The following ABCC5 variants were observed in gnomAD, a reference collection of about 807,000 sequenced individuals.
ABCC5 encodes the protein ATP binding cassette subfamily C member 5.
Under a neutral mutation model 160.9 loss-of-function variants are expected in ABCC5, and 61 were observed. The observed-to-expected ratio is 0.38, with a 90% CI of 0.31 to 0.47. The LOEUF (loss-of-function observed/expected upper bound fraction) is 0.47, where lower values mean the gene tolerates loss of function less well. Among genes scored for constraint, ABCC5 ranks in the 20% least tolerant of loss-of-function variants. ABCC5 has a pLI of 0.99. For synonymous variants in ABCC5, 666 were observed against 700.6 expected (o/e 0.95, Z 0.78); for missense variants, 1,308 against 1,813.3 (o/e 0.72, Z 5.06).
intron 11 of ABCC5, 36 bp from the exon 12 acceptor site, chr3:183,967,802 GACT>G (rs1465272789): frequency 6.6e-7 from 1 of 1,516,198 alleles, no homozygotes; most frequent in East Asian, 2.3e-5. Flanking sequence ...GTCATTTAGA[GACT>G]ACTAACCACT....
rs1384075195 is a variant in ABCC5, at chr3:183,947,395, G to A, written c.3343C>T (p.Leu1115=). Residue 1115 remains leucine, a synonymous_variant, in exon 23 of 30, where the codon CTG becomes TTG. Transcript: ENST00000334444. ...TGCCCGTGCATAAGAACGATCATCAGCCCCGTGGTGGTGATGAGGGCGATG... is the reference window on the plus strand; with the variant it reads ...TGCCCGTGCATAAGAACGATCATCAACCCCGTGGTGGTGATGAGGGCGATG... ...ISIALITTTG[L]MIVLMHGQIP... is the part of the protein sequence containing the mutation. The A allele has an allele frequency of 1.2e-6, 2 of 1,613,848 alleles. No individual in the cohort carries two copies. Among genetic ancestry groups the A allele is most frequent in the South Asian group, 2.2e-5 (2 of 91,024 alleles).
At chr3:184,003,258 G>T (rs1263587553) in intron 2 of ABCC5, among the ~76,000 whole-genome samples, 2 of 151,944 alleles carry the variant, frequency 1.3e-5, no homozygotes, top group Non-Finnish European at 1.5e-5. Flanking sequence ...AATTTAAAAA[G>T]ATCAAAAACT....
Position 183,982,548 on chromosome 3 carries a change from G to A in ABCC5, c.902C>T (p.Pro301Leu). 6.2e-7 allele frequency: 1 copy of A among 1,614,130 alleles called. No individual in the cohort carries two copies. Among genetic ancestry groups the A allele is most frequent in the Non-Finnish European group, 8.5e-7 (1 of 1,180,032 alleles). ...AATCATGCCTAAGATGGCAACAACG[G>A]GTCCTCCAGCCAGCAGGCTGCCAAC... ...AAVGSLLAGG[P>L]VVAILGMIYN... The change falls in exon 7 of 30, where the codon CCC becomes CTC. Residue 301 changes from proline to leucine, a missense_variant. Transcript: ENST00000334444. The surrounding 1 kb of genome is among the most constrained non-coding windows in gnomAD (Gnocchi z 5.2).
chr3:183,934,935 T>A (rs1713540594), intron 26 of ABCC5, among the ~76,000 whole-genome samples: 1 of 152,148 alleles, frequency 6.6e-6, no homozygotes. Context: ...TCAAAAGAAA[T>A]CTCAAGTTTA....
intron 17 of ABCC5, among the ~76,000 whole-genome samples, chr3:183,956,447 A>C (rs376929568): frequency 7.2e-5 from 8 of 111,300 alleles, no homozygotes; most frequent in East Asian, 5.4e-4. Flanking sequence ...TCCGTGTGTA[A>C]ATCACATCGG....
At chr3:183,946,758 A>G (rs564072505) in intron 23 of ABCC5, among the ~76,000 whole-genome samples, 2 of 152,292 alleles carry the variant, frequency 1.3e-5, no homozygotes, top group African/African-American at 2.4e-5. Flanking sequence ...CCTTAAAAAC[A>G]TAATTCCAAT....
chr3:183,965,622 C>A, intron 12 of ABCC5, 121 bp from the exon 13 acceptor site: 1 of 1,325,578 alleles, frequency 7.5e-7, no homozygotes, highest in South Asian at 1.4e-5. Flanking sequence ...CTTTTTGGAC[C>A]CAAATCCAGA....
At chr3:183,929,180 C>T (rs1368955007) in intron 26 of ABCC5, among the ~76,000 whole-genome samples, 2 of 152,114 alleles carry the variant, frequency 1.3e-5, no homozygotes, top group African/African-American at 4.8e-5. Flanking sequence ...TGTTTGTAAT[C>T]CCAGCACTTT....
In ABCC5 at chr3:183,987,473, G is replaced by A. The variant is rs1314143126; in HGVS notation, c.591+297C>T. The A allele has an allele frequency of 1.8e-5, 11 of 594,754 alleles. No homozygotes were observed. Among genetic ancestry groups the A allele is most frequent in the East Asian group, 1.7e-4 (6 of 36,112 alleles). 36.8% of individuals were successfully genotyped at this position (594,754 alleles called of 1,614,324 possible). A position where few individuals can be genotyped will look rare whatever the true frequency, so the allele number is the denominator to read the frequency against. On this transcript the variant is annotated intron_variant, in intron 5 of 29. Coordinates refer to ENST00000334444, the MANE Select transcript of ABCC5 (RefSeq NM_005688.4). This position sits in a 1 kb window ranked among gnomAD's most constrained non-coding sequence, Gnocchi z 4.2. Reference sequence around the variant, plus strand: ...ACTGCAAGACACATCTGCCTGCACCGACTGTCAGTTCATGTTAACACACAA... The same window carrying A: ...ACTGCAAGACACATCTGCCTGCACCAACTGTCAGTTCATGTTAACACACAA...
chr3:183,984,939 A>G (rs2108859444), intron 5 of ABCC5: 2 of 1,511,788 alleles, frequency 1.3e-6, no homozygotes, highest in East Asian at 4.9e-5. Context: ...TCCTTCCCAT[A>G]CCTTTAGAGT....
chr3:183,953,863 C>T (rs969499176), intron 17 of ABCC5, among the ~76,000 whole-genome samples: 4 of 152,100 alleles, frequency 2.6e-5, no homozygotes, highest in African/African-American at 4.8e-5. Flanking sequence ...GAGATGAGGC[C>T]GACTAAGCAG....
intron 25 of ABCC5, 86 bp from the exon 26 acceptor site, chr3:183,938,146 T>G (rs1713927084): frequency 7.6e-7 from 1 of 1,314,626 alleles, no homozygotes; most frequent in Non-Finnish European, 1.1e-6. Context: ...CAATGCCAAC[T>G]ATTTTTCCAT....
Position 183,972,102 on chromosome 3 carries a change from G to A in ABCC5, c.1405-183C>T, listed in dbSNP as rs867891269. The A allele has an allele frequency of 3.2e-6, 4 of 1,253,146 alleles. No homozygotes were observed. In the South Asian group the frequency reaches 3.9e-5, roughly 12 times the overall value. The allele number at this position is 1,253,146 out of a possible 1,614,324, so 77.6% of individuals were successfully genotyped here. On this transcript the variant is annotated intron_variant, in intron 10 of 29. Coordinates refer to ENST00000334444, the MANE Select transcript of ABCC5 (RefSeq NM_005688.4). ...GCCCATCAAGGGGTCACGGGAGTGT[G>A]GGGCAACCTCAAGAGGTCCAGGGGC...
intron 2 of ABCC5, chr3:184,010,110 C>T (rs1721588534): frequency 3.8e-6 from 1 of 263,426 alleles, no homozygotes; most frequent in African/African-American, 2.2e-5. Context: ...AGTTCAAGAC[C>T]AGCCTGGCCA....
Position 183,987,812 on chromosome 3 carries a change from G to T in ABCC5, c.549C>A (p.Ile183=). The change falls in exon 5 of 30, where the codon ATC becomes ATA. Residue 183 remains isoleucine (I), a synonymous_variant. Coordinates refer to ENST00000334444, the MANE Select transcript of ABCC5 (RefSeq NM_005688.4). The surrounding 1 kb of genome is among the most constrained non-coding windows in gnomAD (Gnocchi z 4.2). Reference sequence around the variant, plus strand: ...CCAGCTGCGTGATCATCAGGCACACGATGGACAGGATGAGCCTGGTGCGGC... The same window carrying T: ...CCAGCTGCGTGATCATCAGGCACACTATGGACAGGATGAGCCTGGTGCGGC... ...IFCRTRLILS[I]VCLMITQLAG... 1 of 1,614,188 alleles carries T rather than the reference G, an allele frequency of 6.2e-7. No homozygotes were observed. Among genetic ancestry groups the T allele is most frequent in the Non-Finnish European group, 8.5e-7 (1 of 1,180,032 alleles).
At chr3:183,925,472 C>T (rs1712443712) in intron 29 of ABCC5, 83 bp downstream of exon 29, 1 of 1,479,356 alleles carries the variant, frequency 6.8e-7, no homozygotes, top group African/African-American at 1.4e-5. Flanking sequence ...CAGAACCCTA[C>T]AAAGATGGCA....
Position 183,927,578 on chromosome 3 carries a change from G to A in ABCC5, c.3934-135C>T, listed in dbSNP as rs531784106. 11 of 1,435,690 alleles carry A rather than the reference G, an allele frequency of 7.7e-6. No homozygotes were observed. In the African/African-American group the frequency reaches 1.4e-4, roughly 19 times the overall value. 88.9% of individuals were successfully genotyped at this position (1,435,690 alleles called of 1,614,324 possible). A position where few individuals can be genotyped will look rare whatever the true frequency, so the allele number is the denominator to read the frequency against. On this transcript the variant is annotated intron_variant, in intron 27 of 29. Coordinates refer to ENST00000334444, the MANE Select transcript of ABCC5 (RefSeq NM_005688.4). ...AAGAACCTGTCTCATCTGGAATGAA[G>A]GTGCAGGTGTACTGATCATGCGTGC...
chr3:183,963,551 C>T lies in ABCC5; in HGVS notation c.2069G>A (p.Arg690His). 1 of 1,614,172 alleles carries T rather than the reference C, an allele frequency of 6.2e-7. No homozygotes were observed. The highest frequency in any genetic ancestry group is 1.1e-5 in the South Asian group (1 of 91,076). The part of the protein sequence containing the change: ...ERGANLSGGQ[R>H]QRISLARALY... Reference sequence around the variant, plus strand: ...GGCCCGGGCAAGGCTGATCCTCTGGCGCTGCCCACCGCTCAGGTTGGCTCC... The same window carrying T: ...GGCCCGGGCAAGGCTGATCCTCTGGTGCTGCCCACCGCTCAGGTTGGCTCC... Residue 690 changes from arginine to histidine, a missense_variant, in exon 15 of 30, where the codon CGC becomes CAC. Arg to His is a conservative substitution (Grantham distance 29). Transcript: ENST00000334444. The surrounding 1 kb of genome is among the most constrained non-coding windows in gnomAD (Gnocchi z 4.6).
chr3:183,942,994 A>C, intron 24 of ABCC5, 78 bp from the exon 25 acceptor site: 1 of 1,434,204 alleles, frequency 7.0e-7, no homozygotes. Context: ...GAGAAATAAA[A>C]CCAGGACAAC....
Sources: allele counts gnomAD v4.1 joint callset (sites outside exome capture counted in the v4.1 genomes callset), GRCh38; gene constraint gnomAD v4.1.1; non-coding constraint Gnocchi (gnomAD v3.1); transcripts MANE v1.5; gene names NCBI Gene and HGNC (gene_info 2026-07-23, HGNC 2026-07-21).